The following PPP2R3A variants were observed in gnomAD, a reference collection of about 807,000 sequenced individuals.
PPP2R3A encodes the protein protein phosphatase 2 regulatory subunit B''alpha, also known as serine/threonine-protein phosphatase 2A regulatory subunit B'' subunit alpha.
A neutral mutation model predicts 106.9 loss-of-function variants in PPP2R3A; 80 were observed. The ratio of observed to expected loss-of-function variants is 0.75; its 90% confidence interval spans 0.62 to 0.90. PPP2R3A has a LOEUF of 0.90. PPP2R3A is among the 40% of genes least tolerant of loss of function. The pLI is 0.00. For synonymous variants in PPP2R3A, 483 were observed against 468.3 expected, an observed-to-expected ratio of 1.03 and a Z score of -0.41; for missense variants, 1,386 against 1,350.4, an observed-to-expected ratio of 1.03 and a Z score of -0.41.
intron 13 of PPP2R3A, among the ~76,000 whole-genome samples, chr3:136,136,900 G>A (rs970128133): frequency 2.6e-5 from 4 of 152,182 alleles, no homozygotes; most frequent in African/African-American, 9.6e-5. Flanking sequence ...GTCTCAGTGA[G>A]GTGAAGCAAG....
intron 4 of PPP2R3A, among the ~76,000 whole-genome samples, 167 bp from the exon 5 acceptor site, chr3:136,049,092 C>T (rs2107862030): frequency 6.6e-6 from 1 of 152,338 alleles, no homozygotes; most frequent in East Asian, 1.9e-4. Context: ...ACTCATCCAA[C>T]CTTATAGACA....
chr3:135,980,104 G>A (rs1211022221), intron 1 of PPP2R3A, among the ~76,000 whole-genome samples: 9 of 151,724 alleles, frequency 5.9e-5, no homozygotes, highest in African/African-American at 1.5e-4. Flanking sequence ...TGAATGCCCC[G>A]AAAGAGTGGC....
chr3:136,043,478 G>A (rs180865830), intron 4 of PPP2R3A, among the ~76,000 whole-genome samples: 168 of 152,102 alleles, frequency 1.1e-3, no homozygotes, highest in African/African-American at 4.0e-3. Context: ...CAGAATATAG[G>A]GAAATAATTT....
intron 8 of PPP2R3A, among the ~76,000 whole-genome samples, chr3:136,085,153 T>C (rs1202290160): frequency 6.6e-6 from 1 of 152,174 alleles, no homozygotes; most frequent in Non-Finnish European, 1.5e-5. Flanking sequence ...TATTGAATTG[T>C]AGCTCCCATA....
At chr3:136,055,558 T>C in intron 5 of PPP2R3A, 1 of 1,377,692 alleles carries the variant, frequency 7.3e-7, no homozygotes, top group Non-Finnish European at 1.0e-6. Context: ...GCTGCTCAAA[T>C]CTTCACAGAG....
At position 136,040,901 on chromosome 3, in the gene PPP2R3A, G is replaced by A. The variant is rs141011309; in HGVS notation, c.2305G>A (p.Ala769Thr). ...CTATTGGAAAGCCCCCATGTTCAGG[G>A]CTGCAGGGGGAGAGAAGACAGGATT... ...PLYWKAPMFR[A>T]AGGEKTGFVT... Residue 769 changes from alanine to threonine, a missense_variant, in exon 4 of 14, where the codon GCT becomes ACT. Physicochemically the swap from Ala to Thr is moderately conservative, Grantham distance 58 (BLOSUM62 0). Transcript: ENST00000264977. 7.5e-5 allele frequency: 121 copies of A among 1,613,468 alleles called. No homozygotes were observed. Among genetic ancestry groups the A allele is most frequent in the Admixed American group, 1.0e-4 (6 of 59,944 alleles).
rs1393534134 is a variant in PPP2R3A, at chr3:136,147,816, T to TCA, written c.*2650_*2651insCA. 6.6e-6 allele frequency: 1 copy of TCA among 152,212 alleles called. No homozygotes were observed. The highest frequency in any genetic ancestry group is 6.5e-5 in the Admixed American group (1 of 15,286). 9.4% of individuals were successfully genotyped at this position (152,212 alleles called of 1,614,324 possible). A position where few individuals can be genotyped will look rare whatever the true frequency, so the allele number is the denominator to read the frequency against. On this transcript the variant is annotated 3_prime_UTR_variant, in exon 14 of 14. Transcript: ENST00000264977. The stretch of plus-strand genomic sequence containing the variant: ...ATGAGATTTGCTCAGCTTTTTGAAA[T>TCA]GTTAAGATGTGTTTGGAGAAGGCTG...
rs1347664393 is a variant in PPP2R3A, at chr3:136,002,195, T to C, written c.697T>C (p.Leu233=). Residue 233 remains leucine, a synonymous_variant, in exon 2 of 14, where the codon TTG becomes CTG. Coordinates refer to ENST00000264977, the MANE Select transcript of PPP2R3A (RefSeq NM_002718.5). ...FSSGTDIKMC[L]DILLKCSEDL... ...TTCTGGGACAGACATAAAGATGTGC[T>C]TGGACATCTTATTGAAATGCTCCGA... 6.2e-7 allele frequency: 1 copy of C among 1,612,682 alleles called. No individual in the cohort carries two copies. The highest frequency in any genetic ancestry group is 1.1e-5 in the South Asian group (1 of 90,946).
chr3:136,022,743 G>C (rs1013106038), intron 2 of PPP2R3A: 19 of 1,094,412 alleles, frequency 1.7e-5, no homozygotes, highest in Non-Finnish European at 1.9e-5. Flanking sequence ...CCCTTTCCCA[G>C]AAGGCTCCAT....
intron 13 of PPP2R3A, among the ~76,000 whole-genome samples, chr3:136,108,212 G>GACACAC (rs375655120): frequency 6.6e-6 from 1 of 151,376 alleles, no homozygotes; most frequent in African/African-American, 2.4e-5. Context: ...GCTAGACCCT[G>GACACAC]ACACACACAC....
At chr3:136,095,583 G>A (rs536409577) in intron 10 of PPP2R3A, among the ~76,000 whole-genome samples, 21 of 152,262 alleles carry the variant, frequency 1.4e-4, no homozygotes, top group African/African-American at 4.8e-4. Flanking sequence ...TATATGGCCT[G>A]TCATCCAGAT....
chr3:136,078,031 A>T (rs1286620594), intron 6 of PPP2R3A, among the ~76,000 whole-genome samples: 1 of 152,138 alleles, frequency 6.6e-6, no homozygotes, highest in Non-Finnish European at 1.5e-5. Context: ...CCCACCTCAT[A>T]TGCCTTCCCA....
rs751483573 is a variant in PPP2R3A, at chr3:136,001,131, C to T, written c.-368C>T. 6 of 403,628 alleles carry T rather than the reference C, an allele frequency of 1.5e-5. No homozygotes were observed. Among genetic ancestry groups the T allele is most frequent in the Admixed American group, 4.3e-5 (1 of 23,428 alleles). The allele number at this position is 403,628 out of a possible 1,614,324, so 25.0% of individuals were successfully genotyped here. ...ACTCAGTTATCACAATACTTCTCTA[C>T]TACCAACTAAGATTTATGATAGTAA... On this transcript the variant is annotated 5_prime_UTR_variant, in exon 2 of 14. Coordinates refer to ENST00000264977, the MANE Select transcript of PPP2R3A (RefSeq NM_002718.5).
chr3:136,136,074 T>TTA (rs1410076640), intron 13 of PPP2R3A, among the ~76,000 whole-genome samples: 1,502 of 30,290 alleles, frequency 0.05, 84 homozygotes, highest in African/African-American at 0.09. Context: ...AAAAAAAAAA[T>TTA]TATATATATA....
rs1936611020 is a variant in PPP2R3A at position 136,076,788 on chromosome 3, AAAC to A, written c.2545-1576_2545-1574del. Among the ~76,000 whole-genome samples, 5 of 152,116 alleles carry A rather than the reference AAAC, an allele frequency of 3.3e-5. No homozygotes were observed. In the South Asian group the frequency reaches 8.3e-4, roughly 25 times the overall value. ...ACAGTGAAACCCCGTCTCAACTAAA[AAAC>A]AAAAAATTAGCCGGGCATGGTGGCG... On this transcript the variant is annotated intron_variant, in intron 6 of 13. Coordinates refer to ENST00000264977, the MANE Select transcript of PPP2R3A (RefSeq NM_002718.5).
chr3:135,973,634 A>G (rs1937308867), intron 1 of PPP2R3A, among the ~76,000 whole-genome samples: 1 of 152,184 alleles, frequency 6.6e-6, no homozygotes, highest in South Asian at 2.1e-4. Flanking sequence ...TAAAGGCCCT[A>G]AAGAGTTTTC....
Position 136,059,068 on chromosome 3 carries a change from C to T in PPP2R3A, c.2469+9707C>T, listed in dbSNP as rs564561919. 7.9e-5 allele frequency among the ~76,000 whole-genome samples: 12 copies of T among 152,214 alleles called. No individual in the cohort carries two copies. The East Asian group carries it at 1.4e-3, about 17-fold the overall frequency. On this transcript the variant is annotated intron_variant, in intron 5 of 13. Transcript: ENST00000264977. ...ACAACCTAGGCAATACCATTCAGGA[C>T]GTAGGCACAGGCAAAGCTTTCATGA... is the stretch of plus-strand genomic sequence containing the variant.
intron 5 of PPP2R3A, among the ~76,000 whole-genome samples, chr3:136,069,984 T>C (rs1355198557): frequency 6.6e-6 from 1 of 152,232 alleles, no homozygotes; most frequent in African/African-American, 2.4e-5. Context: ...GGGCATTAAC[T>C]GGCTTGCACA....
intron 13 of PPP2R3A, among the ~76,000 whole-genome samples, chr3:136,123,670 C>T (rs1938080708): frequency 6.6e-6 from 1 of 152,162 alleles, no homozygotes; most frequent in South Asian, 2.1e-4. Context: ...AATATTCCTG[C>T]TTCACTAGTG....
Sources: gnomAD v4.1 joint callset for allele counts (sites outside exome capture counted in the v4.1 genomes callset) on GRCh38, gnomAD v4.1.1 for gene constraint, MANE v1.5 for transcripts, NCBI Gene and HGNC (gene_info 2026-07-23, HGNC 2026-07-21) for gene names.